Variants in AFP observed in about 807,000 individuals in gnomAD.
AFP encodes the protein alpha fetoprotein.
Under a neutral mutation model 78.9 loss-of-function variants are expected in AFP, and 64 were observed. The ratio of observed to expected loss-of-function variants is 0.81; its 90% CI spans 0.66 to 1.00. The LOEUF (loss-of-function observed/expected upper bound fraction) is 1.00. Ranked by LOEUF, AFP falls within the 50% of genes least tolerant of loss-of-function variation. The probability of loss-of-function intolerance (pLI) is 0.00; values close to 1 mark genes in which losing one functional copy is unlikely to be tolerated. For synonymous variants in AFP, 254 were observed against 243.8 expected (o/e 1.04, Z -0.39); for missense variants, 689 against 703.8 (o/e 0.98, Z 0.24).
intron 13 of AFP, 24 bp downstream of exon 13, chr4:73,453,921 C>G (rs1231724186): frequency 1.2e-6 from 2 of 1,612,960 alleles, no homozygotes; most frequent in Non-Finnish European, 1.7e-6. Context: ...ATTTCATACT[C>G]AAAATACTTG....
chr4:73,438,641 T>C (rs1055661672), intron 3 of AFP, among the ~76,000 whole-genome samples: 3 of 152,106 alleles, frequency 2.0e-5, no homozygotes, highest in Admixed American at 6.6e-5. Context: ...AGCATGGAAA[T>C]TGATATAACA....
intron 6 of AFP, 36 bp downstream of exon 6, chr4:73,443,480 G>C: frequency 8.8e-6 from 13 of 1,469,598 alleles, no homozygotes; most frequent in Middle Eastern, 1.7e-4. Context: ...GAGGGTGAGA[G>C]CTACAGAACT....
intron 3 of AFP, among the ~76,000 whole-genome samples, chr4:73,440,385 T>G (rs974532455): frequency 5.9e-5 from 9 of 152,176 alleles, no homozygotes; most frequent in Non-Finnish European, 8.8e-5. Flanking sequence ...TTGCATGGCT[T>G]TTTTCCTTTT....
In AFP at chr4:73,454,038, T is replaced by A. The variant is rs758740983; in HGVS notation, c.1785+141T>A. On this transcript the variant is annotated intron_variant, in intron 13 of 14. Transcript: ENST00000395792. Reference sequence around the variant, plus strand: ...TTCATTGAGAAGCAGATTGAGGGATTCTATAAGATTTAAAAAATAATCACA... The same window carrying A: ...TTCATTGAGAAGCAGATTGAGGGATACTATAAGATTTAAAAAATAATCACA... The A allele has an allele frequency of 5.2e-4, 481 of 933,334 alleles. 1 individual carries two copies. The highest frequency in any genetic ancestry group is 6.9e-4 in the Non-Finnish European group (445 of 646,152). 57.8% of individuals were successfully genotyped at this position (933,334 alleles called of 1,614,324 possible). A position where few individuals can be genotyped will look rare whatever the true frequency, so the allele number is the denominator to read the frequency against.
At chr4:73,454,940 G>A (rs952711981) in intron 13 of AFP, among the ~76,000 whole-genome samples, 4 of 152,128 alleles carry the variant, frequency 2.6e-5, no homozygotes, top group African/African-American at 9.7e-5. Flanking sequence ...TAGTAGCAGT[G>A]CTTTATCTGC....
At position 73,449,487 on chromosome 4, in the gene AFP, T is replaced by A; in HGVS notation, c.1191+20T>A. The stretch of plus-strand genomic sequence containing the variant: ...AAAGGAGTAAGTTGCTCTAGAATTT[T>A]AGGGGAGTATGAAAAACTGGATTGA... On this transcript the variant is annotated intron_variant, in intron 9 of 14. Transcript: ENST00000395792. 6.2e-7 allele frequency: 1 copy of A among 1,613,120 alleles called. No individual in the cohort carries two copies. The highest frequency in any genetic ancestry group is 8.5e-7 in the Non-Finnish European group (1 of 1,179,396).
Position 73,455,401 on chromosome 4 carries a change from ATTC to A in AFP, c.*10+112_*10+114del. ...ATTAATTCTCTTAAAAATACATGGA[ATTC>A]AAAAAAAAGTTTATTTTAAAAACAC... On this transcript the variant is annotated intron_variant, in intron 14 of 14. Coordinates refer to ENST00000395792, the MANE Select transcript of AFP (RefSeq NM_001134.3). 7 of 946,058 alleles carry A rather than the reference ATTC, an allele frequency of 7.4e-6. No homozygotes were observed. The Admixed American group carries it at 8.7e-5, about 12-fold the overall frequency. The allele number at this position is 946,058 out of a possible 1,614,324, so 58.6% of individuals were successfully genotyped here.
rs1720089838 is a variant in AFP at position 73,454,033 on chromosome 4, G to A, written c.1785+136G>A. The A allele has an allele frequency of 6.8e-6, 7 of 1,035,252 alleles. No homozygotes were observed. In the South Asian group the frequency reaches 1.1e-4, roughly 17 times the overall value. The allele number at this position is 1,035,252 out of a possible 1,614,324, so 64.1% of individuals were successfully genotyped here. On this transcript the variant is annotated intron_variant, in intron 13 of 14. Transcript: ENST00000395792. The stretch of plus-strand genomic sequence containing the variant: ...TAAATTTCATTGAGAAGCAGATTGA[G>A]GGATTCTATAAGATTTAAAAAATAA...
rs540907735 is a variant in AFP, at chr4:73,448,448, T to G, written c.1058+772T>G. Among the ~76,000 whole-genome samples the G allele has an allele frequency of 7.9e-5, 12 of 152,242 alleles. No homozygotes were observed. In the South Asian group the frequency reaches 2.5e-3, roughly 32 times the overall value. Reference sequence around the variant, plus strand: ...CGTAGTAATAAAAATAAAGGCCCAATTTTCTCTTTAATATTGCCTGAAGAT... The same window carrying G: ...CGTAGTAATAAAAATAAAGGCCCAAGTTTCTCTTTAATATTGCCTGAAGAT... On this transcript the variant is annotated intron_variant, in intron 8 of 14. Coordinates refer to ENST00000395792, the MANE Select transcript of AFP (RefSeq NM_001134.3).
chr4:73,444,073 T>A (rs1453415175), intron 6 of AFP, among the ~76,000 whole-genome samples: 1 of 152,180 alleles, frequency 6.6e-6, no homozygotes, highest in Non-Finnish European at 1.5e-5. Flanking sequence ...CAGAGTTTAT[T>A]TGATTGCTGT....
chr4:73,445,930 G>A (rs1719810724), intron 7 of AFP, among the ~76,000 whole-genome samples: 1 of 152,062 alleles, frequency 6.6e-6, no homozygotes, highest in Non-Finnish European at 1.5e-5. Flanking sequence ...GTCTCTGTGG[G>A]CTCCATGACA....
intron 11 of AFP, 143 bp downstream of exon 11, chr4:73,450,896 G>A: frequency 1.4e-6 from 2 of 1,384,772 alleles, no homozygotes. Flanking sequence ...CGGTTGGAGG[G>A]GTGTGAGAAC....
At position 73,450,673 on chromosome 4, in the gene AFP, A is replaced by G. The variant is rs769606924; in HGVS notation, c.1348A>G (p.Ile450Val). 1.9e-6 allele frequency: 3 copies of G among 1,614,084 alleles called. No homozygotes were observed. The highest frequency in any genetic ancestry group is 2.2e-5 in the East Asian group (1 of 44,896). Residue 450 changes from isoleucine (I) to valine (V), a missense_variant, in exon 11 of 15, where the codon ATC becomes GTC. By Grantham distance (29) the Ile-to-Val change is conservative (BLOSUM62 3). Coordinates refer to ENST00000395792, the MANE Select transcript of AFP (RefSeq NM_001134.3). ...GCTGACCTCGTCGGAGCTGATGGCCATCACCAGAAAAATGGCAGCCACAGC... is the reference window on the plus strand; with the variant it reads ...GCTGACCTCGTCGGAGCTGATGGCCGTCACCAGAAAAATGGCAGCCACAGC... ...PQLTSSELMA[I>V]TRKMAATAAT...
intron 11 of AFP, among the ~76,000 whole-genome samples, chr4:73,451,533 T>C (rs1467686522): frequency 6.6e-6 from 1 of 152,196 alleles, no homozygotes; most frequent in Non-Finnish European, 1.5e-5. Context: ...GTCACCTCAA[T>C]TGTTTGTTGA....
intron 7 of AFP, among the ~76,000 whole-genome samples, chr4:73,446,172 G>A (rs1224301267): frequency 6.6e-6 from 1 of 152,158 alleles, no homozygotes; most frequent in African/African-American, 2.4e-5. Context: ...GAAGTGGGAG[G>A]AGGCAGCCTG....
chr4:73,449,417 T>C lies in AFP; in HGVS notation c.1141T>C (p.Leu381=), dbSNP rs937151428. 4 of 1,613,502 alleles carry C rather than the reference T, an allele frequency of 2.5e-6. No individual in the cohort carries two copies. The highest frequency in any genetic ancestry group is 1.3e-5 in the African/African-American group (1 of 74,892). ...LRVAKGYQEL[L]EKCFQTENPL... ...AGTTGCTAAAGGATACCAGGAGTTA[T>C]TGGAGAAGTGTTTCCAGACTGAAAA... The change falls in exon 9 of 15, where the codon TTG becomes CTG. Residue 381 remains leucine (L), a synonymous_variant. Coordinates refer to ENST00000395792, the MANE Select transcript of AFP (RefSeq NM_001134.3).
rs373050467 is a variant in AFP at position 73,452,694 on chromosome 4, G to A, written c.1652+70G>A. 2.8e-4 allele frequency: 347 copies of A among 1,229,248 alleles called. 2 individuals carry two copies. The South Asian group carries it at 3.7e-3, about 13-fold the overall frequency. 76.1% of individuals were successfully genotyped at this position (1,229,248 alleles called of 1,614,324 possible). On this transcript the variant is annotated intron_variant, in intron 12 of 14. Transcript: ENST00000395792. ...AAAGAGTAACTGAGACTTCTACCTC[G>A]CTCACCTAACACTATTGGGCTCACT... is the stretch of plus-strand genomic sequence containing the variant.
chr4:73,445,231 T>A (rs1719785227), intron 7 of AFP, 109 bp downstream of exon 7: 1 of 1,333,164 alleles, frequency 7.5e-7, no homozygotes, highest in Admixed American at 1.8e-5. Context: ...ACAGAGTATG[T>A]AAACTAGGTG....
At chr4:73,450,545 GAGA>G in intron 10 of AFP, 67 bp from the exon 11 acceptor site, 5 of 1,607,088 alleles carry the variant, frequency 3.1e-6, no homozygotes, top group Non-Finnish European at 3.4e-6. Flanking sequence ...GAGAGTCTGT[GAGA>G]AGAAGCAAGG....
Sources: allele counts gnomAD v4.1 joint callset (sites outside exome capture counted in the v4.1 genomes callset), GRCh38; gene constraint gnomAD v4.1.1; transcripts MANE v1.5; gene names NCBI Gene and HGNC (gene_info 2026-07-23, HGNC 2026-07-21).